PTPRD: variants seen among roughly 807,000 people sequenced by gnomAD.
The protein encoded by PTPRD is receptor-type tyrosine-protein phosphatase delta.
In PTPRD, 34 loss-of-function variants were observed where a neutral mutation model predicts 214.5. That is an observed-to-expected ratio of 0.16 (90% CI 0.12 to 0.21). The LOEUF is 0.21. Among genes scored for constraint, PTPRD ranks in the 10% least tolerant of loss-of-function variants. The pLI, the probability that PTPRD is intolerant of heterozygous loss-of-function variation, is 1.00. For missense variants in PTPRD, 2,545 were observed against 2,398.7 expected (o/e 1.06, Z -1.27); for synonymous variants, 1,128 against 845.7 (o/e 1.33, Z -5.79).
At chr9:9,363,310 A>G (rs77858772) in intron 9 of PTPRD, among the ~76,000 whole-genome samples, 1 of 151,278 alleles carries the variant, frequency 6.6e-6, no homozygotes, top group African/African-American at 2.4e-5. Context: ...AGATAGTTGT[A>G]ATGGACCCAG....
chr9:8,814,084 A>T (rs1045254721), intron 11 of PTPRD, among the ~76,000 whole-genome samples: 6 of 152,246 alleles, frequency 3.9e-5, no homozygotes, highest in African/African-American at 1.4e-4. Context: ...CACCTGACAC[A>T]TAATGATGCT....
At position 9,767,622 on chromosome 9, in the gene PTPRD, T is replaced by A. The variant is rs946355009; in HGVS notation, c.-367-771A>T. Among the ~76,000 whole-genome samples, 25 of 152,094 alleles carry A rather than the reference T, an allele frequency of 1.6e-4. 1 individual carries two copies. Among genetic ancestry groups the A allele is most frequent in the Admixed American group, 1.6e-3 (24 of 15,278 alleles). On this transcript the variant is annotated intron_variant, in intron 5 of 45. Coordinates refer to ENST00000381196, the MANE Select transcript of PTPRD (RefSeq NM_002839.4). ...TCTAATTATAAGAATTTCAATTAAA[T>A]GTAGAAGGAAAAAATCACTTTGTTC...
At chr9:9,873,008 A>T (rs1047950822) in intron 5 of PTPRD, among the ~76,000 whole-genome samples, 1 of 152,188 alleles carries the variant, frequency 6.6e-6, no homozygotes, top group African/African-American at 2.4e-5. Context: ...TTAGAAGATC[A>T]ATACTATTTT....
chr9:8,412,606 G>A (rs1391904807), intron 35 of PTPRD, among the ~76,000 whole-genome samples: 1 of 152,136 alleles, frequency 6.6e-6, no homozygotes, highest in East Asian at 1.9e-4. Flanking sequence ...AATGCTAGAT[G>A]TTTTGCCTTC....
chr9:8,971,070 C>T (rs1246319261), intron 11 of PTPRD, among the ~76,000 whole-genome samples: 1 of 151,654 alleles, frequency 6.6e-6, no homozygotes, highest in Non-Finnish European at 1.5e-5. Flanking sequence ...TGTCACAATT[C>T]TTTTCTTCTA....
chr9:8,327,230 C>G (rs1206361894), intron 44 of PTPRD, among the ~76,000 whole-genome samples: 3 of 151,740 alleles, frequency 2.0e-5, no homozygotes, highest in African/African-American at 7.3e-5. Flanking sequence ...TACATTGTGT[C>G]TTTGTTCTCA....
intron 11 of PTPRD, among the ~76,000 whole-genome samples, chr9:8,744,755 T>C (rs563248920): frequency 6.6e-6 from 1 of 152,318 alleles, no homozygotes; most frequent in Admixed American, 6.5e-5. Flanking sequence ...AGAGAACTTA[T>C]GCACATAACC....
intron 10 of PTPRD, chr9:9,091,265 C>T: frequency 8.0e-7 from 1 of 1,246,812 alleles, no homozygotes; most frequent in Non-Finnish European, 1.2e-6. Context: ...TTCTTAAAGA[C>T]TGAAGACAGG....
intron 2 of PTPRD, among the ~76,000 whole-genome samples, chr9:10,466,780 A>G (rs2098997550): frequency 6.6e-6 from 1 of 152,162 alleles, no homozygotes; most frequent in African/African-American, 2.4e-5. Context: ...CTTCTCAAAT[A>G]CAAAGGGGGA....
intron 10 of PTPRD, among the ~76,000 whole-genome samples, chr9:9,052,825 C>T (rs558626166): frequency 2.6e-5 from 4 of 152,064 alleles, no homozygotes; most frequent in East Asian, 1.9e-4. Flanking sequence ...TTTTTCATGG[C>T]AATACAAAAT....
intron 2 of PTPRD, among the ~76,000 whole-genome samples, chr9:10,416,025 T>G (rs1306997130): frequency 6.6e-6 from 1 of 151,704 alleles, no homozygotes; most frequent in East Asian, 2.0e-4. Context: ...CAGAGACATT[T>G]TTTTCAAAGA....
At chr9:9,905,282 G>A (rs928000131) in intron 5 of PTPRD, among the ~76,000 whole-genome samples, 9 of 151,846 alleles carry the variant, frequency 5.9e-5, no homozygotes, top group African/African-American at 2.2e-4. Context: ...ATTATTGAAA[G>A]TCAGGGTTCT....
At chr9:9,063,636 G>A (rs2099713053) in intron 10 of PTPRD, among the ~76,000 whole-genome samples, 2 of 152,144 alleles carry the variant, frequency 1.3e-5, no homozygotes, top group South Asian at 4.1e-4. Flanking sequence ...GCATGTAGCA[G>A]GGCTCAAAAA....
chr9:9,934,417 A>G (rs2088254718), intron 5 of PTPRD, among the ~76,000 whole-genome samples: 1 of 136,624 alleles, frequency 7.3e-6, no homozygotes, highest in South Asian at 2.4e-4. Flanking sequence ...CCACAGAAAG[A>G]CAAACTACCA....
At chr9:9,895,879 C>G (rs148764639) in intron 5 of PTPRD, among the ~76,000 whole-genome samples, 1 of 151,802 alleles carries the variant, frequency 6.6e-6, no homozygotes, top group African/African-American at 2.4e-5. Flanking sequence ...GAGTCTATCA[C>G]GAAGGTGATG....
intron 43 of PTPRD, among the ~76,000 whole-genome samples, chr9:8,337,748 AG>A (rs1564063875): frequency 1.3e-5 from 2 of 152,016 alleles, no homozygotes; most frequent in Non-Finnish European, 2.9e-5. Flanking sequence ...GGAATAGGAA[AG>A]GTGTCTCTGC....
intron 35 of PTPRD, among the ~76,000 whole-genome samples, chr9:8,415,475 A>T (rs1352908930): frequency 6.6e-6 from 1 of 152,124 alleles, no homozygotes; most frequent in Non-Finnish European, 1.5e-5. Flanking sequence ...CACCTATAAT[A>T]TTTTATAATA....
chr9:8,975,669 T>C (rs1645434693), intron 11 of PTPRD, among the ~76,000 whole-genome samples: 2 of 152,020 alleles, frequency 1.3e-5, no homozygotes, highest in East Asian at 1.9e-4. Flanking sequence ...TTATTCAGTG[T>C]AATAAACATT....
intron 26 of PTPRD, among the ~76,000 whole-genome samples, chr9:8,495,092 C>A (rs947550770): frequency 6.6e-6 from 1 of 152,082 alleles, no homozygotes; most frequent in African/African-American, 2.4e-5. Flanking sequence ...TGCCCATATT[C>A]CTGATTTATT....
Sources: allele counts gnomAD v4.1 joint callset (sites outside exome capture counted in the v4.1 genomes callset), GRCh38; gene constraint gnomAD v4.1.1; transcripts MANE v1.5; gene names NCBI Gene and HGNC (gene_info 2026-07-23, HGNC 2026-07-21).